TRMT11: variants seen among roughly 807,000 people sequenced by gnomAD.
TRMT11 encodes tRNA (guanine(10)-N(2))-methyltransferase TRMT11.
TRMT11 carries 53 observed loss-of-function variants against 62.8 expected under a neutral mutation model. The observed-to-expected ratio is 0.84, with a 90% CI of 0.68 to 1.06. The LOEUF (loss-of-function observed/expected upper bound fraction) is 1.06. Ranked by LOEUF, TRMT11 falls within the 50% of genes least tolerant of loss-of-function variation. The probability of loss-of-function intolerance (pLI) is 0.00; values close to 1 mark genes in which losing one functional copy is unlikely to be tolerated. For synonymous variants in TRMT11, 188 were observed against 190.3 expected (o/e 0.99, Z 0.10); for missense variants, 556 against 553.4 (o/e 1.00, Z -0.05).
Position 126,038,847 on chromosome 6 carries a change from T to G in TRMT11, c.*11T>G, listed in dbSNP as rs746029785. On this transcript the variant is annotated 3_prime_UTR_variant, in exon 13 of 13. Coordinates refer to ENST00000334379, the MANE Select transcript of TRMT11 (RefSeq NM_001031712.3). The stretch of plus-strand genomic sequence containing the variant: ...TCCACCCAGGAATGAAAATTAAGAT[T>G]TTGACAATGAAGAAAGAATAAGAAT... The G allele has an allele frequency of 1.3e-6, 2 of 1,585,434 alleles. No homozygotes were observed. Among genetic ancestry groups the G allele is most frequent in the Non-Finnish European group, 1.7e-6 (2 of 1,169,702 alleles).
chr6:126,249,971 A>G, the TRMT11 span, among the ~76,000 whole-genome samples: 1 of 152,188 alleles, frequency 6.6e-6, no homozygotes, highest in Non-Finnish European at 1.5e-5. Flanking sequence ...GTCAGGCACA[A>G]TGAGCACTGG....
At chr6:126,008,158 G>A (rs1569737) in intron 7 of TRMT11, among the ~76,000 whole-genome samples, 106,406 of 151,816 alleles carry the variant, frequency 0.7, 37,772 homozygotes, top group East Asian at 0.95. Flanking sequence ...AAATAGTGCT[G>A]TTTAAAATAA....
At chr6:126,052,764 A>C (rs1211205442) in intron 16 of TRMT11, among the ~76,000 whole-genome samples, 3 of 152,226 alleles carry the variant, frequency 2.0e-5, no homozygotes, top group African/African-American at 7.2e-5. Flanking sequence ...TAAATGAACA[A>C]AGATCTAGTT....
intron 1 of TRMT11, among the ~76,000 whole-genome samples, chr6:126,191,367 T>A (rs1208288710): frequency 6.6e-6 from 1 of 152,030 alleles, no homozygotes; most frequent in Non-Finnish European, 1.5e-5. Flanking sequence ...ATAGCTAGCT[T>A]ACAAACATTT....
At chr6:126,078,058 A>G (rs1228886825) in intron 17 of TRMT11, among the ~76,000 whole-genome samples, 1 of 152,152 alleles carries the variant, frequency 6.6e-6, no homozygotes, top group Non-Finnish European at 1.5e-5. Flanking sequence ...TTTGTATTCT[A>G]CTTACTGTGG....
chr6:126,007,602 T>G (rs1289194709), intron 7 of TRMT11, among the ~76,000 whole-genome samples: 1 of 152,068 alleles, frequency 6.6e-6, no homozygotes. Context: ...TTTCTTAATT[T>G]AAAAATAGTA....
chr6:126,127,180 G>A (rs1465405517), intron 21 of TRMT11, among the ~76,000 whole-genome samples: 1 of 152,128 alleles, frequency 6.6e-6, no homozygotes, highest in East Asian at 1.9e-4. Flanking sequence ...AGATAAACTA[G>A]AGGTTGTCCT....
intron 21 of TRMT11, among the ~76,000 whole-genome samples, chr6:126,123,341 A>C (rs1777672072): frequency 6.6e-6 from 1 of 152,078 alleles, no homozygotes. Context: ...TTTGTGCCTT[A>C]TAGTGGTTTG....
At chr6:126,202,063 T>A (rs1342337425) in exon 4 of TRMT11, 1 of 152,228 alleles carries the variant, frequency 6.6e-6, no homozygotes, top group Non-Finnish European at 1.5e-5. Context: ...TACGTGTATG[T>A]AAAATGCTGA....
chr6:126,124,661 G>C (rs1777693805), intron 21 of TRMT11, among the ~76,000 whole-genome samples: 1 of 152,102 alleles, frequency 6.6e-6, no homozygotes, highest in South Asian at 2.1e-4. Flanking sequence ...ATGGCTGCCA[G>C]ATGATGAGAG....
intron 12 of TRMT11, among the ~76,000 whole-genome samples, chr6:126,031,640 G>A (rs955186729): frequency 1.3e-5 from 2 of 152,202 alleles, no homozygotes; most frequent in South Asian, 2.1e-4. Flanking sequence ...CTGGACTTCA[G>A]TGTAGCTGGA....
At chr6:125,995,897 C>T (rs1791422237) in intron 2 of TRMT11, 70 bp from the exon 3 acceptor site, 1 of 915,062 alleles carries the variant, frequency 1.1e-6, no homozygotes, top group Admixed American at 1.8e-5. Context: ...TCCTTATTGA[C>T]TTCTTGAATA....
At chr6:126,258,936 G>A in the TRMT11 span, among the ~76,000 whole-genome samples, 1 of 152,082 alleles carries the variant, frequency 6.6e-6, no homozygotes, top group African/African-American at 2.4e-5. Context: ...ATTAAGCCTA[G>A]TACTCAATAG....
In TRMT11 at chr6:126,008,456, C is replaced by T. The variant is rs139159308; in HGVS notation, c.744C>T (p.Asn248=). The change falls in exon 8 of 13, where the codon AAC becomes AAT. Residue 248 remains asparagine (N), a synonymous_variant. Transcript: ENST00000334379. ...AYVYGTDIDY[N]TVHGLGKATR... ...TGTATGGGACAGACATAGACTACAA[C>T]ACAGTTCATGGCTTGGGTGAGTAGA... 6.3e-4 allele frequency: 1,023 copies of T among 1,612,810 alleles called. 3 individuals carry two copies. Among genetic ancestry groups the T allele is most frequent in the Middle Eastern group, 2.1e-3 (13 of 6,054 alleles).
At chr6:126,185,464 C>G (rs1303051061) in intron 1 of TRMT11, among the ~76,000 whole-genome samples, 1 of 152,138 alleles carries the variant, frequency 6.6e-6, no homozygotes, top group Non-Finnish European at 1.5e-5. Flanking sequence ...TATTGCATAT[C>G]TTTTGAGCCT....
chr6:126,175,796 A>C (rs940416267), upstream of TRMT11, among the ~76,000 whole-genome samples: 11 of 152,216 alleles, frequency 7.2e-5, no homozygotes, highest in African/African-American at 2.7e-4. Flanking sequence ...TGGGATTGTT[A>C]GAACTAAAGT....
chr6:126,093,628 T>TATATATATAC (rs1562321453), intron 17 of TRMT11, among the ~76,000 whole-genome samples: 2 of 105,830 alleles, frequency 1.9e-5, no homozygotes, highest in African/African-American at 4.6e-5. Flanking sequence ...TATATATATA[T>TATATATATAC]ATATTTTCCC....
At chr6:126,128,042 C>T (rs895288955) in intron 21 of TRMT11, among the ~76,000 whole-genome samples, 1 of 152,088 alleles carries the variant, frequency 6.6e-6, no homozygotes, top group Admixed American at 6.6e-5. Flanking sequence ...GGATTTAATT[C>T]TGCCTATTGT....
At chr6:126,104,769 C>A (rs759255272) in intron 17 of TRMT11, among the ~76,000 whole-genome samples, 184 of 152,290 alleles carry the variant, frequency 1.2e-3, no homozygotes, top group Non-Finnish European at 2.0e-3. Context: ...GCCTTCCTTT[C>A]TCTTCTTCTC....
Sources: allele counts gnomAD v4.1 joint callset (sites outside exome capture counted in the v4.1 genomes callset), GRCh38; gene constraint gnomAD v4.1.1; transcripts MANE v1.5; gene names NCBI Gene and HGNC (gene_info 2026-07-23, HGNC 2026-07-21).